The following ERBIN variants were observed in gnomAD, a reference collection of about 807,000 sequenced individuals.
The protein encoded by ERBIN is erbb2 interacting protein, also known as densin-180-like protein.
A neutral mutation model predicts 158.4 loss-of-function variants in ERBIN; 60 were observed. The ratio of observed to expected loss-of-function variants is 0.38; its 90% CI spans 0.31 to 0.47. The LOEUF is 0.47. Ranked by LOEUF, ERBIN falls within the 20% of genes least tolerant of loss-of-function variation. The pLI is 0.99. For synonymous variants in ERBIN, 594 were observed against 557.2 expected (o/e 1.07, Z -0.93); for missense variants, 1,610 against 1,648.0 (o/e 0.98, Z 0.40).
At chr5:66,048,465 A>G (rs193009062) in intron 18 of ERBIN, among the ~76,000 whole-genome samples, 45 of 152,116 alleles carry the variant, frequency 3.0e-4, no homozygotes, top group African/African-American at 1.0e-3. Flanking sequence ...TTTGATTAGG[A>G]TAATGGTGCC....
At chr5:66,011,914 T>G (rs1352843271) in intron 4 of ERBIN, 135 bp from the exon 5 acceptor site, 2 of 523,576 alleles carry the variant, frequency 3.8e-6, no homozygotes, top group East Asian at 5.8e-5. Flanking sequence ...TTAGTTCACA[T>G]TGATGTTGTC....
At chr5:65,942,119 A>G (rs1745126897) in intron 1 of ERBIN, among the ~76,000 whole-genome samples, 1 of 152,070 alleles carries the variant, frequency 6.6e-6, no homozygotes, top group Admixed American at 6.5e-5. Flanking sequence ...TTTTCCTCAT[A>G]CTCACTCACT....
intron 1 of ERBIN, among the ~76,000 whole-genome samples, chr5:65,983,394 C>T (rs1750860596): frequency 6.6e-6 from 1 of 152,036 alleles, no homozygotes; most frequent in African/African-American, 2.4e-5. Context: ...ATAATTTTTT[C>T]ATTACTTAAG....
rs1349462255 is a variant in ERBIN, at chr5:66,025,848, G to A, written c.891G>A (p.Gly297=). ...QLMYLPDSIG[G]LISVEELDCS... ...ATATATTTCTTTTTTTAAATTAAAG[G>A]TTAATATCAGTAGAAGAACTGGATT... Residue 297 remains glycine (G), a splice_region_variant and synonymous_variant, in exon 12 of 26, where the codon GGG becomes GGA. Coordinates refer to ENST00000284037, the MANE Select transcript of ERBIN (RefSeq NM_001253697.2). 2.0e-6 allele frequency: 3 copies of A among 1,464,104 alleles called. No homozygotes were observed. The highest frequency in any genetic ancestry group is 1.4e-5 in the South Asian group (1 of 70,420). 90.7% of individuals were successfully genotyped at this position (1,464,104 alleles called of 1,614,324 possible).
chr5:66,059,630 A>C (rs1760027614), intron 21 of ERBIN, among the ~76,000 whole-genome samples: 1 of 152,154 alleles, frequency 6.6e-6, no homozygotes, highest in Admixed American at 6.5e-5. Flanking sequence ...TTCAAAGGGA[A>C]TGCTTCCAGT....
At chr5:65,933,077 C>T (rs1580054781) in intron 1 of ERBIN, among the ~76,000 whole-genome samples, 2 of 152,312 alleles carry the variant, frequency 1.3e-5, no homozygotes, top group Admixed American at 1.3e-4. Flanking sequence ...ATGGCATGAG[C>T]CGCTGCACCT....
chr5:65,940,252 G>A (rs1354515700), intron 1 of ERBIN, among the ~76,000 whole-genome samples: 3,594 of 98,412 alleles, frequency 0.037, no homozygotes, highest in East Asian at 0.05. Context: ...CCGTCTGGGA[G>A]GTGAGGAGCG....
At chr5:65,947,956 G>A (rs79886040) in intron 1 of ERBIN, among the ~76,000 whole-genome samples, 6,060 of 149,918 alleles carry the variant, frequency 0.04, 412 homozygotes, top group African/African-American at 0.14. Flanking sequence ...GCAGTGAGCC[G>A]TGATAATGCC....
chr5:66,072,279 C>T lies in ERBIN; in HGVS notation c.3744C>T (p.Asp1248=), dbSNP rs2151299683. 6.5e-7 allele frequency: 1 copy of T among 1,550,102 alleles called. No homozygotes were observed. Among genetic ancestry groups the T allele is most frequent in the Non-Finnish European group, 8.7e-7 (1 of 1,146,784 alleles). Residue 1248 remains aspartate (D), a synonymous_variant, in exon 22 of 26, where the codon GAC becomes GAT. Coordinates refer to ENST00000284037, the MANE Select transcript of ERBIN (RefSeq NM_001253697.2). The part of the protein sequence containing the change: ...ATLSHKDVPP[D]SLMKMPLSNG... The stretch of plus-strand genomic sequence containing the variant: ...TTAGTCACAAAGATGTTCCTCCAGA[C>T]AGCTTGATGAAAGTGGGTGCTCGGG...
At chr5:65,932,943 AC>A (rs1193022222) in intron 1 of ERBIN, among the ~76,000 whole-genome samples, 4 of 151,878 alleles carry the variant, frequency 2.6e-5, no homozygotes, top group African/African-American at 9.7e-5. Flanking sequence ...GGCATGCACC[AC>A]CATGCCCGGC....
chr5:66,018,244 A>G (rs949254069), intron 7 of ERBIN, among the ~76,000 whole-genome samples: 13 of 150,098 alleles, frequency 8.7e-5, no homozygotes, highest in African/African-American at 2.9e-4. Context: ...ATGACATTGA[A>G]TCTGTACATT....
chr5:66,048,711 G>A lies in ERBIN; in HGVS notation c.1833G>A (p.Glu611=), dbSNP rs897679865. The part of the protein sequence containing the change: ...LSSDEEMKMA[E]MRPPLIETSI... ...CTGATGAAGAGATGAAAATGGCGGA[G>A]ATGCGACCACCATTAATTGAAACCT... Residue 611 remains glutamate, a synonymous_variant, in exon 19 of 26, where the codon GAG becomes GAA. Coordinates refer to ENST00000284037, the MANE Select transcript of ERBIN (RefSeq NM_001253697.2). The A allele has an allele frequency of 6.2e-7, 1 of 1,608,840 alleles. No individual in the cohort carries two copies. The highest frequency in any genetic ancestry group is 8.5e-7 in the Non-Finnish European group (1 of 1,177,540).
chr5:66,072,125 C>CT, intron 21 of ERBIN, 44 bp from the exon 22 acceptor site: 2 of 1,535,420 alleles, frequency 1.3e-6, no homozygotes, highest in Non-Finnish European at 1.8e-6. Flanking sequence ...GGTTTCACAT[C>CT]TTAAAGAACA....
intron 3 of ERBIN, among the ~76,000 whole-genome samples, chr5:65,993,596 A>C (rs1752115881): frequency 7.1e-6 from 1 of 140,578 alleles, no homozygotes; most frequent in Non-Finnish European, 1.5e-5. Context: ...TATATATTTA[A>C]TTGTTAATTG....
chr5:66,053,653 G>C lies in ERBIN; in HGVS notation c.2335G>C (p.Glu779Gln), dbSNP rs774255173. The change falls in exon 21 of 26, where the codon GAG becomes CAG. Residue 779 changes from glutamate to glutamine, a missense_variant. Physicochemically the swap from Glu to Gln is conservative, Grantham distance 29 (BLOSUM62 2). This residue lies in a region of ERBIN where 1,014 missense variants were observed against 936.1 expected (regional missense o/e 1.08). Transcript: ENST00000284037. ...TATAACTAATGATACATTTCAACCAGAGATCATGGAAAGATCAAAAACACA... is the reference window on the plus strand; with the variant it reads ...TATAACTAATGATACATTTCAACCACAGATCATGGAAAGATCAAAAACACA... The part of the protein sequence containing the change: ...KLITNDTFQP[E>Q]IMERSKTQDI... 6 of 1,613,160 alleles carry C rather than the reference G, an allele frequency of 3.7e-6. No homozygotes were observed. The Admixed American group carries it at 8.4e-5, about 22-fold the overall frequency.
At chr5:65,980,300 C>T (rs1164644110) in intron 1 of ERBIN, among the ~76,000 whole-genome samples, 4 of 151,804 alleles carry the variant, frequency 2.6e-5, no homozygotes, top group East Asian at 3.9e-4. Flanking sequence ...CGGTGTCGGG[C>T]GCCTGTAGTC....
At position 66,016,469 on chromosome 5, in the gene ERBIN, A is replaced by G. The variant is rs566980238; in HGVS notation, c.533+1744A>G. Among the ~76,000 whole-genome samples the G allele has an allele frequency of 1.5e-4, 23 of 152,304 alleles. 1 individual carries two copies. The South Asian group carries it at 2.7e-3, about 18-fold the overall frequency. ...TAATACGTTTTTATTGAGGTAAAAT[A>G]TGTGTAAAATTTACTGTCTTTACCA... On this transcript the variant is annotated intron_variant, in intron 7 of 25. Coordinates refer to ENST00000284037, the MANE Select transcript of ERBIN (RefSeq NM_001253697.2).
At chr5:66,008,392 C>T (rs1297611142) in intron 4 of ERBIN, among the ~76,000 whole-genome samples, 1 of 152,118 alleles carries the variant, frequency 6.6e-6, no homozygotes, top group East Asian at 1.9e-4. Context: ...GCACTCCAGT[C>T]TGGGCAACAG....
Position 66,053,951 on chromosome 5 carries a change from T to A in ERBIN, c.2633T>A (p.Ile878Asn). 1 of 1,614,044 alleles carries A rather than the reference T, an allele frequency of 6.2e-7. No individual in the cohort carries two copies. Among genetic ancestry groups the A allele is most frequent in the East Asian group, 2.2e-5 (1 of 44,882 alleles). Reference sequence around the variant, plus strand: ...TCTCATAGCATAACTAATATGGAGATTGGAGGGCTAAAAATCTATGATATT... The same window carrying A: ...TCTCATAGCATAACTAATATGGAGAATGGAGGGCTAAAAATCTATGATATT... ...VKSHSITNME[I>N]GGLKIYDILS... The change falls in exon 21 of 26, where the codon ATT (isoleucine) becomes AAT (asparagine). Residue 878 changes from isoleucine to asparagine, a missense_variant. Coordinates refer to ENST00000284037, the MANE Select transcript of ERBIN (RefSeq NM_001253697.2).
Sources: allele counts gnomAD v4.1 joint callset (sites outside exome capture counted in the v4.1 genomes callset), GRCh38; gene constraint gnomAD v4.1.1; regional missense constraint gnomAD v4.1.1; transcripts MANE v1.5; gene names NCBI Gene and HGNC (gene_info 2026-07-23, HGNC 2026-07-21).